Variants in ADRA1A observed in about 807,000 individuals in gnomAD.
ADRA1A encodes the protein adrenoceptor alpha 1A, also known as alpha-1A adrenergic receptor.
A neutral mutation model predicts 29.6 loss-of-function variants in ADRA1A; 31 were observed. The observed-to-expected ratio is 1.05, with a 90% CI of 0.79 to 1.41. The LOEUF (loss-of-function observed/expected upper bound fraction) is 1.41. Among genes scored for constraint, ADRA1A ranks in the 40% most tolerant of loss-of-function variants. ADRA1A has a pLI of 0.00. For synonymous variants in ADRA1A, 311 were observed against 254.3 expected (o/e 1.22, Z -2.12); for missense variants, 619 against 601.1 (o/e 1.03, Z -0.31).
Position 26,750,454 on chromosome 8 carries a change from G to A in ADRA1A, c.1270-1706C>T, listed in dbSNP as rs147464511. ...TGAGCTCAAGTGATCCACTGGCCTC[G>A]GCCTCCGAACGTGCTGGGATTACAG... On this transcript the variant is annotated intron_variant, in intron 2 of 2. Transcript: ENST00000380586. 3.6e-3 allele frequency among the ~76,000 whole-genome samples: 545 copies of A among 152,108 alleles called. 7 individuals are homozygous for A. The highest frequency in any genetic ancestry group is 0.012 in the African/African-American group (506 of 41,478).
At chr8:26,757,515 C>A (rs971445458) in intron 2 of ADRA1A, among the ~76,000 whole-genome samples, 3 of 150,524 alleles carry the variant, frequency 2.0e-5, no homozygotes, top group Non-Finnish European at 4.4e-5. Flanking sequence ...TTCCATTTCC[C>A]CCACCCCCCA....
exon 3 of ADRA1A, chr8:26,748,254 C>T: frequency 1.3e-5 from 2 of 155,238 alleles, no homozygotes; most frequent in East Asian, 1.9e-4. Context: ...GTACTATGTA[C>T]CCTCTAGAGG....
rs1202630514 is a variant in ADRA1A, at chr8:26,848,020, C to A, written c.883+16067G>T. 6.6e-6 allele frequency among the ~76,000 whole-genome samples: 1 copy of A among 152,198 alleles called. No individual in the cohort carries two copies. Among genetic ancestry groups the A allele is most frequent in the Non-Finnish European group, 1.5e-5 (1 of 68,030 alleles). On this transcript the variant is annotated intron_variant, in intron 2 of 2. Transcript: ENST00000380573. This position sits in a 1 kb window ranked among gnomAD's most constrained non-coding sequence, Gnocchi z 4.3. Reference sequence around the variant, plus strand: ...TTGAAAGCCACTGGCTCAACCCAAGCCCCTCTCCTACAGATGAGGACACCA... The same window carrying A: ...TTGAAAGCCACTGGCTCAACCCAAGACCCTCTCCTACAGATGAGGACACCA...
Position 26,769,020 on chromosome 8 carries a change from A to C in ADRA1A, c.*1129T>G. The C allele has an allele frequency of 1.0e-6, 1 of 985,462 alleles. No homozygotes were observed. 61.0% of individuals were successfully genotyped at this position (985,462 alleles called of 1,614,324 possible). A position where few individuals can be genotyped will look rare whatever the true frequency, so the allele number is the denominator to read the frequency against. On this transcript the variant is annotated 3_prime_UTR_variant, in exon 3 of 3. Transcript: ENST00000380573. ...CCATCAGTATTGTCTGAAGCTAAGC[A>C]TTAGTATTTTTCAAAGTTCGGGAAT...
rs531935949 is a variant in ADRA1A at position 26,812,909 on chromosome 8, G to A, written c.884-42243C>T. Among the ~76,000 whole-genome samples, 12 of 151,924 alleles carry A rather than the reference G, an allele frequency of 7.9e-5. No individual in the cohort carries two copies. In the South Asian group the frequency reaches 8.3e-4, roughly 11 times the overall value. Reference sequence around the variant, plus strand: ...TCTCGATCTCCTGACCTTGTGATCCGCCCACCTTGGCCTCCCAAAGTGCTG... The same window carrying A: ...TCTCGATCTCCTGACCTTGTGATCCACCCACCTTGGCCTCCCAAAGTGCTG... On this transcript the variant is annotated intron_variant, in intron 2 of 2. Coordinates refer to ENST00000380573, the MANE Select transcript of ADRA1A (RefSeq NM_000680.4).
At chr8:26,752,432 G>C (rs559454143), downstream of ADRA1A, among the ~76,000 whole-genome samples, 6 of 152,334 alleles carry the variant, frequency 3.9e-5, no homozygotes, top group South Asian at 1.0e-3. Context: ...ACAAAGAAAA[G>C]GGAAGGGAAA....
chr8:26,766,135 A>G, downstream of ADRA1A: 1 of 1,609,696 alleles, frequency 6.2e-7, no homozygotes, highest in Middle Eastern at 1.7e-4. Flanking sequence ...TGAAATATCT[A>G]CAATCCATTC....
intron 2 of ADRA1A, among the ~76,000 whole-genome samples, chr8:26,852,499 A>G (rs914704840): frequency 6.6e-6 from 1 of 152,144 alleles, no homozygotes; most frequent in Non-Finnish European, 1.5e-5. Flanking sequence ...AGCAAAGACA[A>G]AAAGAAAGAA....
intron 2 of ADRA1A, among the ~76,000 whole-genome samples, chr8:26,863,576 G>T (rs1813638819): frequency 6.6e-6 from 1 of 152,050 alleles, no homozygotes; most frequent in Non-Finnish European, 1.5e-5. Context: ...AATTAGCACA[G>T]ATATAGAACA....
At chr8:26,765,079 A>G (rs1211641760), downstream of ADRA1A, among the ~76,000 whole-genome samples, 1 of 152,254 alleles carries the variant, frequency 6.6e-6, no homozygotes, top group Non-Finnish European at 1.5e-5. Flanking sequence ...CTTGCTTATC[A>G]GTTGCAGCAA....
At chr8:26,833,716 A>G (rs1157293253) in intron 2 of ADRA1A, among the ~76,000 whole-genome samples, 1 of 152,246 alleles carries the variant, frequency 6.6e-6, no homozygotes, top group Non-Finnish European at 1.5e-5. Context: ...ATTTTCCTCA[A>G]GACTGTCTTT....
downstream of ADRA1A, among the ~76,000 whole-genome samples, chr8:26,764,461 A>C (rs190925100): frequency 6.6e-6 from 1 of 152,244 alleles, no homozygotes; most frequent in Non-Finnish European, 1.5e-5. Context: ...CAGGAGAGAA[A>C]GTGCCAATAG....
rs967167847 is a variant in ADRA1A, at chr8:26,806,883, A to T, written c.884-36217T>A. ...CTGGCATCTGTGATAATGAGAGAAG[A>T]TGCCTAGAGGGAGCTGGACCCAAAC... On this transcript the variant is annotated intron_variant, in intron 2 of 2. Transcript: ENST00000380573. This position sits in a 1 kb window ranked among gnomAD's most constrained non-coding sequence, Gnocchi z 4.6. Among the ~76,000 whole-genome samples the T allele has an allele frequency of 6.6e-6, 1 of 152,176 alleles. No individual in the cohort carries two copies. The highest frequency in any genetic ancestry group is 2.4e-5 in the African/African-American group (1 of 41,438).
rs147361103 is a variant in ADRA1A, at chr8:26,797,474, T to C, written c.884-26808A>G. Among the ~76,000 whole-genome samples, 419 of 152,088 alleles carry C rather than the reference T, an allele frequency of 2.8e-3. 8 individuals are homozygous for C. The highest frequency in any genetic ancestry group is 0.023 in the Admixed American group (358 of 15,262). ...ACCATGCCTGGCTAATTTTTTGATT[T>C]TTTTTGTGAAGATGGGGTCTCATTA... On this transcript the variant is annotated intron_variant, in intron 2 of 2. Transcript: ENST00000380573.
rs1806466546 is a variant in ADRA1A at position 26,775,303 on chromosome 8, TC to T, written c.884-4638del. 6.6e-6 allele frequency among the ~76,000 whole-genome samples: 1 copy of T among 152,346 alleles called. No homozygotes were observed. The highest frequency in any genetic ancestry group is 2.4e-5 in the African/African-American group (1 of 41,580). On this transcript the variant is annotated intron_variant, in intron 2 of 2. Transcript: ENST00000380573. The surrounding 1 kb of genome is among the most constrained non-coding windows in gnomAD (Gnocchi z 4.1). ...TCTTTTCTGCGTGATGGCTGTAGCC[TC>T]ATATTATCTCCCAACCCTGACTTCT...
downstream of ADRA1A, among the ~76,000 whole-genome samples, chr8:26,753,223 C>T (rs959339489): frequency 1.3e-5 from 2 of 152,156 alleles, no homozygotes; most frequent in Non-Finnish European, 2.9e-5. Context: ...CTGACCTCGG[C>T]CCTCATAACC....
chr8:26,795,668 C>T (rs1193978281), intron 2 of ADRA1A, among the ~76,000 whole-genome samples: 1 of 152,056 alleles, frequency 6.6e-6, no homozygotes, highest in Non-Finnish European at 1.5e-5. Context: ...TTTTTTACCT[C>T]CTGATGGAAG....
chr8:26,837,085 A>G (rs114632307), intron 2 of ADRA1A, among the ~76,000 whole-genome samples: 90 of 152,280 alleles, frequency 5.9e-4, no homozygotes, highest in African/African-American at 2.0e-3. Flanking sequence ...ATTACTAAAC[A>G]AAGGTAGATA....
At position 26,864,498 on chromosome 8, in the gene ADRA1A, A is replaced by C. The variant is rs555670585; in HGVS notation, c.472T>G (p.Ser158Ala). 2 of 1,613,856 alleles carry C rather than the reference A, an allele frequency of 1.2e-6. No individual in the cohort carries two copies. Among genetic ancestry groups the C allele is most frequent in the Admixed American group, 3.3e-5 (2 of 60,016 alleles). Residue 158 changes from serine to alanine, a missense_variant, in exon 2 of 3, where the codon TCC (serine) becomes GCC (alanine). Ser to Ala is a moderately conservative substitution (Grantham distance 99). Transcript: ENST00000380573. The surrounding 1 kb of genome is among the most constrained non-coding windows in gnomAD (Gnocchi z 8.1). ...CTCCAGCCGAACAGGGGTCCAATGG[A>C]TATGACCAGGGAGAGTGCCCAGACG... ...LCVWALSLVI[S>A]IGPLFGWRQP...
Sources: allele counts gnomAD v4.1 joint callset (sites outside exome capture counted in the v4.1 genomes callset), GRCh38; gene constraint gnomAD v4.1.1; non-coding constraint Gnocchi (gnomAD v3.1); transcripts MANE v1.5; gene names NCBI Gene and HGNC (gene_info 2026-07-23, HGNC 2026-07-21).